Variants in BRSK2 observed in about 807,000 individuals in gnomAD.
BRSK2 encodes serine/threonine-protein kinase BRSK2.
BRSK2 carries 19 observed loss-of-function variants against 83.3 expected under a neutral mutation model. The ratio of observed to expected loss-of-function variants is 0.23; its 90% CI spans 0.16 to 0.33. The LOEUF (loss-of-function observed/expected upper bound fraction) is 0.33. Ranked by LOEUF, BRSK2 falls within the 10% of genes least tolerant of loss-of-function variation. The probability of loss-of-function intolerance (pLI) is 1.00; values close to 1 mark genes in which losing one functional copy is unlikely to be tolerated. For missense variants in BRSK2, 798 were observed against 1,042.3 expected (o/e 0.77, Z 3.23); for synonymous variants, 519 against 435.4 (o/e 1.19, Z -2.39).
intron 1 of BRSK2, chr11:1,410,371 G>A (rs1415999765): frequency 1.2e-6 from 1 of 825,322 alleles, no homozygotes; most frequent in African/African-American, 2.6e-5. Flanking sequence ...GAGCGGTGAC[G>A]GTCGCAGAGT....
Position 1,454,618 on chromosome 11 carries a change from CAG to C in BRSK2, c.1668+11_1668+12del. The C allele has an allele frequency of 6.2e-7, 1 of 1,612,482 alleles. No individual in the cohort carries two copies. The highest frequency in any genetic ancestry group is 8.5e-7 in the Non-Finnish European group (1 of 1,179,794). On this transcript the variant is annotated intron_variant, in intron 16 of 19. Transcript: ENST00000528841. This position sits in a 1 kb window ranked among gnomAD's most constrained non-coding sequence, Gnocchi z 5.2. ...GCACGCCTTCCTGTCGGTGAGGCCA[CAG>C]GGCGCTGGGGGAGGCGGGCAGCCCT... is the stretch of plus-strand genomic sequence containing the variant.
chr11:1,429,223 C>T lies in BRSK2; in HGVS notation c.92-6817C>T, dbSNP rs530946252. On this transcript the variant is annotated intron_variant, in intron 1 of 19. Coordinates refer to ENST00000528841, the MANE Select transcript of BRSK2 (RefSeq NM_001256627.2). ...GGTGTGTGTGCACGCGGTGTGTGGG[C>T]GTGTGCCCATGGGTGTGTCCTGGAT... Among the ~76,000 whole-genome samples the T allele has an allele frequency of 4.4e-3, 641 of 144,254 alleles. 9 individuals carry two copies. Among genetic ancestry groups the T allele is most frequent in the African/African-American group, 0.015 (594 of 38,590 alleles). 94.6% of individuals were successfully genotyped at this position (144,254 alleles called of 152,430 possible).
chr11:1,443,669 G>C (rs764732387), intron 8 of BRSK2, 34 bp downstream of exon 8: 26 of 1,433,904 alleles, frequency 1.8e-5, no homozygotes, highest in African/African-American at 2.8e-5. Flanking sequence ...GCCCCAGAGC[G>C]TGGCGGGGGG....
At chr11:1,433,167 GCTGCC>G (rs1849817336) in intron 1 of BRSK2, among the ~76,000 whole-genome samples, 1 of 152,244 alleles carries the variant, frequency 6.6e-6, no homozygotes, top group Admixed American at 6.5e-5. Flanking sequence ...CTGTCTAACA[GCTGCC>G]CTGTGCCCTT....
At chr11:1,447,105 A>G (rs945976096) in intron 12 of BRSK2, among the ~76,000 whole-genome samples, 1 of 151,880 alleles carries the variant, frequency 6.6e-6, no homozygotes. Flanking sequence ...CCCAGCTTCC[A>G]ACGTGGGGTC....
intron 19 of BRSK2, 107 bp from the exon 20 acceptor site, chr11:1,460,383 TCGTTCATTTG>T: frequency 1.1e-6 from 1 of 914,062 alleles, no homozygotes; most frequent in Non-Finnish European, 1.5e-6. Flanking sequence ...CGAGGCCTCT[TCGTTCATTTG>T]TTTGTTTGTT....
chr11:1,442,714 ACAGG>A, intron 5 of BRSK2, 108 bp downstream of exon 5: 2 of 880,248 alleles, frequency 2.3e-6, no homozygotes, highest in Non-Finnish European at 3.6e-6. Flanking sequence ...CCGGCACCCC[ACAGG>A]CAGGCCCCCC....
chr11:1,448,822 C>G (rs1240990416), intron 12 of BRSK2, among the ~76,000 whole-genome samples: 1 of 152,246 alleles, frequency 6.6e-6, no homozygotes, highest in Non-Finnish European at 1.5e-5. Flanking sequence ...TGGGGACCAG[C>G]CCCCGGGTGT....
At position 1,454,160 on chromosome 11, in the gene BRSK2, G is replaced by GGGGGCTCACCTGTGA. The variant is rs1255563659; in HGVS notation, c.1545-311_1545-310insAGGGGCTCACCTGTG. 4.7e-6 allele frequency: 1 copy of GGGGGCTCACCTGTGA among 213,748 alleles called. No homozygotes were observed. Among genetic ancestry groups the GGGGGCTCACCTGTGA allele is most frequent in the East Asian group, 1.2e-4 (1 of 8,278 alleles). 13.2% of individuals were successfully genotyped at this position (213,748 alleles called of 1,614,324 possible). On this transcript the variant is annotated intron_variant, in intron 15 of 19. Coordinates refer to ENST00000528841, the MANE Select transcript of BRSK2 (RefSeq NM_001256627.2). The surrounding 1 kb of genome is among the most constrained non-coding windows in gnomAD (Gnocchi z 5.2). The stretch of plus-strand genomic sequence containing the variant: ...ACCTCTCACAGCGGCCTTGGTGAGG[G>GGGGGCTCACCTGTGA]GGGGCTCACCTGTGGGGGGCTCACC...
chr11:1,442,368 A>G, intron 4 of BRSK2, 122 bp from the exon 5 acceptor site: 1 of 670,726 alleles, frequency 1.5e-6, no homozygotes, highest in South Asian at 1.6e-5. Context: ...CTGGGCTGCT[A>G]TTGGCCCTTA....
At chr11:1,409,051 C>G (rs372736010) in intron 1 of BRSK2, among the ~76,000 whole-genome samples, 8 of 151,888 alleles carry the variant, frequency 5.3e-5, no homozygotes, top group African/African-American at 1.9e-4. Flanking sequence ...TCTGCCTGTA[C>G]AGGGATGTGT....
intron 19 of BRSK2, among the ~76,000 whole-genome samples, 194 bp from the exon 20 acceptor site, chr11:1,460,306 C>G (rs1416704775): frequency 3.3e-5 from 5 of 152,052 alleles, no homozygotes; most frequent in Non-Finnish European, 2.9e-5. Context: ...GCCTGCCCAC[C>G]CTGCTTGCCG....
intron 1 of BRSK2, among the ~76,000 whole-genome samples, chr11:1,401,025 A>G (rs1846440949): frequency 6.6e-6 from 1 of 152,206 alleles, no homozygotes; most frequent in Non-Finnish European, 1.5e-5. Context: ...TTCAGGCCAC[A>G]TGAGTGTCAG....
At chr11:1,443,047 T>G (rs2133092137) in intron 5 of BRSK2, 59 bp from the exon 6 acceptor site, 2 of 1,513,312 alleles carry the variant, frequency 1.3e-6, no homozygotes, top group Non-Finnish European at 1.8e-6. Context: ...ACCATCACCC[T>G]GGGGGGAGGG....
At position 1,397,232 on chromosome 11, in the gene BRSK2, C is replaced by T. The variant is rs112873150; in HGVS notation, c.91+6857C>T. ...GAGGCCTCACCCCAGGGATGTCCGC[C>T]GGGCCAGGCTGCCCTGAGCCAGCTG... On this transcript the variant is annotated intron_variant, in intron 1 of 19. Coordinates refer to ENST00000528841, the MANE Select transcript of BRSK2 (RefSeq NM_001256627.2). Among the ~76,000 whole-genome samples, 123 of 152,308 alleles carry T rather than the reference C, an allele frequency of 8.1e-4. 1 individual carries two copies. Among genetic ancestry groups the T allele is most frequent in the African/African-American group, 2.8e-3 (116 of 41,574 alleles).
rs546658726 is a variant in BRSK2, at chr11:1,436,953, G to A, written c.186+819G>A. The stretch of plus-strand genomic sequence containing the variant: ...CACCCCCCAGCTGCTGGGGTGTGGA[G>A]GAATTAACCAGACTAAACTGGGGAG... On this transcript the variant is annotated intron_variant, in intron 2 of 19. Coordinates refer to ENST00000528841, the MANE Select transcript of BRSK2 (RefSeq NM_001256627.2). Among the ~76,000 whole-genome samples the A allele has an allele frequency of 3.7e-3, 558 of 151,904 alleles. 2 individuals carry two copies. The highest frequency in any genetic ancestry group is 5.0e-3 in the Non-Finnish European group (337 of 67,908).
At position 1,405,582 on chromosome 11, in the gene BRSK2, G is replaced by A. The variant is rs189675051; in HGVS notation, c.91+15207G>A. 9.0e-3 allele frequency among the ~76,000 whole-genome samples: 1,364 copies of A among 152,130 alleles called. 21 individuals carry two copies. The highest frequency in any genetic ancestry group is 0.031 in the African/African-American group (1,270 of 41,516). ...AAAACATGCCCTGTCCTGCCCAGGGGTCTGGGATGGGGGACCGACCAGCGG... is the reference window on the plus strand; with the variant it reads ...AAAACATGCCCTGTCCTGCCCAGGGATCTGGGATGGGGGACCGACCAGCGG... On this transcript the variant is annotated intron_variant, in intron 1 of 19. Coordinates refer to ENST00000528841, the MANE Select transcript of BRSK2 (RefSeq NM_001256627.2).
intron 15 of BRSK2, among the ~76,000 whole-genome samples, chr11:1,453,561 G>A (rs576300727): frequency 3.0e-4 from 46 of 152,320 alleles, no homozygotes; most frequent in African/African-American, 1.1e-3. Flanking sequence ...AGGACACTGA[G>A]GAGGCGTCGA....
chr11:1,394,152 T>G (rs575547205), intron 1 of BRSK2, among the ~76,000 whole-genome samples: 3 of 104,438 alleles, frequency 2.9e-5, no homozygotes, highest in African/African-American at 1.2e-4. Flanking sequence ...GCCATGGAGA[T>G]GGGCCATGGA....
Sources: gnomAD v4.1 joint callset for allele counts (sites outside exome capture counted in the v4.1 genomes callset) on GRCh38, gnomAD v4.1.1 for gene constraint, Gnocchi (gnomAD v3.1) non-coding constraint, MANE v1.5 for transcripts, NCBI Gene and HGNC (gene_info 2026-07-23, HGNC 2026-07-21) for gene names.